CSMD1: variants seen among roughly 807,000 people sequenced by gnomAD.
The protein encoded by CSMD1 is CUB and Sushi multiple domains 1.
Under a neutral mutation model 417.5 loss-of-function variants are expected in CSMD1, and 213 were observed. That is an observed-to-expected ratio of 0.51 (90% CI 0.46 to 0.57). The LOEUF (loss-of-function observed/expected upper bound fraction) is 0.57, where lower values mean the gene tolerates loss of function less well. Ranked by LOEUF, CSMD1 falls within the 20% of genes least tolerant of loss-of-function variation. The pLI, the probability that CSMD1 is intolerant of heterozygous loss-of-function variation, is 0.00. For synonymous variants in CSMD1, 2,862 were observed against 1,736.8 expected (o/e 1.65, Z -16.11); for missense variants, 6,923 against 4,529.7 (o/e 1.53, Z -15.17).
At position 4,134,746 on chromosome 8, in the gene CSMD1, T is replaced by C. The variant is rs745835880; in HGVS notation, c.416-102647A>G. 4.6e-5 allele frequency among the ~76,000 whole-genome samples: 7 copies of C among 152,324 alleles called. No homozygotes were observed. The East Asian group carries it at 7.7e-4, about 17-fold the overall frequency. On this transcript the variant is annotated intron_variant, in intron 3 of 69. Coordinates refer to ENST00000635120, the MANE Select transcript of CSMD1 (RefSeq NM_033225.6). ...TACAAGAGTCTCCTCCTGACATTCA[T>C]GTCTCCAATATACCCCTTCTGAGCC...
At chr8:3,652,514 G>C (rs1353542348) in intron 7 of CSMD1, among the ~76,000 whole-genome samples, 1 of 152,208 alleles carries the variant, frequency 6.6e-6, no homozygotes, top group East Asian at 1.9e-4. Context: ...CGGATTAATG[G>C]ACTCACATTT....
In CSMD1 at chr8:4,804,266, A is replaced by C. The variant is rs369451166; in HGVS notation, c.86-166708T>G. 1.5e-4 allele frequency among the ~76,000 whole-genome samples: 23 copies of C among 152,318 alleles called. No individual in the cohort carries two copies. The East Asian group carries it at 4.0e-3, about 27-fold the overall frequency. On this transcript the variant is annotated intron_variant, in intron 1 of 69. Coordinates refer to ENST00000635120, the MANE Select transcript of CSMD1 (RefSeq NM_033225.6). ...TAAAGCTCCAGGAAAATAAGCCTCT[A>C]ATTATTGAAGCTGGAAAACCAACAG...
At chr8:4,475,465 G>C (rs989599525) in intron 2 of CSMD1, among the ~76,000 whole-genome samples, 3 of 152,058 alleles carry the variant, frequency 2.0e-5, no homozygotes, top group Non-Finnish European at 4.4e-5. Flanking sequence ...AACCCCATTT[G>C]ATTCTCGATA....
intron 54 of CSMD1, among the ~76,000 whole-genome samples, chr8:2,985,225 CA>C (rs1805782469): frequency 6.6e-6 from 1 of 152,130 alleles, no homozygotes. Flanking sequence ...ATTTTGTTTT[CA>C]AAAAGAATCC....
intron 5 of CSMD1, among the ~76,000 whole-genome samples, chr8:3,934,458 A>T (rs910977746): frequency 6.6e-6 from 1 of 152,218 alleles, no homozygotes; most frequent in Non-Finnish European, 1.5e-5. Context: ...TTTTCAAAGT[A>T]AATGAATGTC....
chr8:4,109,821 A>G (rs1801758978), intron 3 of CSMD1, among the ~76,000 whole-genome samples: 1 of 152,180 alleles, frequency 6.6e-6, no homozygotes, highest in Non-Finnish European at 1.5e-5. Context: ...GTTACCATAA[A>G]TACTTAAAAC....
intron 3 of CSMD1, among the ~76,000 whole-genome samples, chr8:4,096,602 T>C (rs992297007): frequency 4.6e-5 from 7 of 152,226 alleles, no homozygotes; most frequent in Non-Finnish European, 8.8e-5. Flanking sequence ...TTGTATTGTG[T>C]AATCTGATCA....
At chr8:3,627,209 A>T (rs10108630) in intron 7 of CSMD1, among the ~76,000 whole-genome samples, 1 of 152,006 alleles carries the variant, frequency 6.6e-6, no homozygotes, top group Admixed American at 6.6e-5. Context: ...TGCAGACGCA[A>T]AATTGAGAGA....
intron 3 of CSMD1, among the ~76,000 whole-genome samples, chr8:4,319,584 G>C (rs1250171209): frequency 6.6e-6 from 1 of 152,118 alleles, no homozygotes; most frequent in African/African-American, 2.4e-5. Context: ...TGAATAACAG[G>C]AAATACAGAG....
intron 8 of CSMD1, among the ~76,000 whole-genome samples, chr8:3,604,199 C>T (rs1057166359): frequency 6.6e-6 from 1 of 151,952 alleles, no homozygotes; most frequent in Non-Finnish European, 1.5e-5. Context: ...AATATATAAA[C>T]ATGAATTATG....
chr8:3,141,244 T>C (rs1362795252), intron 41 of CSMD1, among the ~76,000 whole-genome samples: 1 of 152,156 alleles, frequency 6.6e-6, no homozygotes, highest in Non-Finnish European at 1.5e-5. Context: ...CCCCTGTGCG[T>C]CTGTGAAACC....
chr8:4,486,463 A>G (rs898625419), intron 2 of CSMD1, among the ~76,000 whole-genome samples: 6 of 151,442 alleles, frequency 4.0e-5, no homozygotes, highest in African/African-American at 1.5e-4. Context: ...TTTTAAAAAT[A>G]TTTCTTCCTT....
chr8:3,935,348 T>C (rs1311890409), intron 5 of CSMD1, among the ~76,000 whole-genome samples: 3 of 152,230 alleles, frequency 2.0e-5, no homozygotes, highest in African/African-American at 7.2e-5. Context: ...GTTGTTTCAC[T>C]TAAGAAATTG....
intron 51 of CSMD1, among the ~76,000 whole-genome samples, chr8:3,026,846 C>A (rs1809966734): frequency 6.6e-6 from 1 of 152,140 alleles, no homozygotes; most frequent in Admixed American, 6.5e-5. Context: ...GAACAGTTGC[C>A]TTCAAAGAGG....
chr8:3,769,755 A>C (rs58786346), intron 5 of CSMD1, among the ~76,000 whole-genome samples: 21,410 of 152,072 alleles, frequency 0.14, 2,127 homozygotes, highest in African/African-American at 0.26. Flanking sequence ...CTGCTATGGC[A>C]ATTTGGTATT....
intron 53 of CSMD1, among the ~76,000 whole-genome samples, chr8:2,999,208 G>A (rs1807178782): frequency 7.0e-6 from 1 of 142,876 alleles, no homozygotes; most frequent in Non-Finnish European, 1.5e-5. Flanking sequence ...AGGCTGGGGT[G>A]CAGCGGCACG....
chr8:3,751,450 T>C (rs956052898), intron 6 of CSMD1, among the ~76,000 whole-genome samples: 1 of 148,254 alleles, frequency 6.7e-6, no homozygotes, highest in South Asian at 2.1e-4. Flanking sequence ...TACATATAAA[T>C]GTTTATACTT....
At chr8:4,993,670 C>G (rs1005362032) in intron 1 of CSMD1, among the ~76,000 whole-genome samples, 1 of 152,198 alleles carries the variant, frequency 6.6e-6, no homozygotes, top group African/African-American at 2.4e-5. Flanking sequence ...AACTCCTAGC[C>G]TGTTTCACGC....
intron 5 of CSMD1, among the ~76,000 whole-genome samples, chr8:3,780,715 G>C (rs1799131359): frequency 6.6e-6 from 1 of 152,200 alleles, no homozygotes; most frequent in Non-Finnish European, 1.5e-5. Context: ...GGTGAGAAAT[G>C]CACAGATGCT....
Sources: allele counts gnomAD v4.1 joint callset (sites outside exome capture counted in the v4.1 genomes callset), GRCh38; gene constraint gnomAD v4.1.1; transcripts MANE v1.5; gene names NCBI Gene and HGNC (gene_info 2026-07-23, HGNC 2026-07-21).